SULF2: variants seen among roughly 807,000 people sequenced by gnomAD.
The protein encoded by SULF2 is extracellular sulfatase Sulf-2.
A neutral mutation model predicts 107.7 loss-of-function variants in SULF2; 52 were observed. The ratio of observed to expected loss-of-function variants is 0.48; its 90% confidence interval spans 0.39 to 0.61. SULF2 has a LOEUF of 0.61. SULF2 is among the 20% of genes least tolerant of loss of function. SULF2 has a pLI of 0.00. For synonymous variants in SULF2, 460 were observed against 464.3 expected (o/e 0.99, Z 0.12); for missense variants, 993 against 1,177.3 (o/e 0.84, Z 2.29).
intron 1 of SULF2, among the ~76,000 whole-genome samples, chr20:47,765,374 A>AC (rs1555861583): frequency 1.8e-5 from 2 of 113,910 alleles, no homozygotes; most frequent in African/African-American, 7.2e-5. Context: ...AACAAAACAA[A>AC]AAAAAAAAAA....
intron 20 of SULF2, 61 bp from the exon 21 acceptor site, chr20:47,658,453 T>A: frequency 1.3e-6 from 2 of 1,528,806 alleles, no homozygotes; most frequent in Non-Finnish European, 1.8e-6. Flanking sequence ...CATGACTTCC[T>A]AATCGGTCCT....
rs2087137160 is a variant in SULF2 at position 47,663,059 on chromosome 20, G to T, written c.2370+11C>A. 9.3e-6 allele frequency: 15 copies of T among 1,614,098 alleles called. No individual in the cohort carries two copies. Among genetic ancestry groups the T allele is most frequent in the Non-Finnish European group, 1.3e-5 (15 of 1,179,998 alleles). On this transcript the variant is annotated intron_variant, in intron 17 of 20. Transcript: ENST00000688720. Reference sequence around the variant, plus strand: ...CCACACCCCCATCCCTCTAGCTCGGGTTGCCTGTACCTGGTAGGGGTCTGT... The same window carrying T: ...CCACACCCCCATCCCTCTAGCTCGGTTTGCCTGTACCTGGTAGGGGTCTGT...
chr20:47,783,802 C>T (rs6094845), intron 1 of SULF2, among the ~76,000 whole-genome samples: 1 of 152,186 alleles, frequency 6.6e-6, no homozygotes, highest in Non-Finnish European at 1.5e-5. Context: ...AGCCCACCAC[C>T]TTCGCCTTTC....
intron 11 of SULF2, among the ~76,000 whole-genome samples, chr20:47,669,859 A>G (rs1479575684): frequency 6.6e-5 from 10 of 152,194 alleles, no homozygotes; most frequent in Admixed American, 6.5e-4. Context: ...TCCCTGCCAG[A>G]TCTTGTATTA....
intron 20 of SULF2, among the ~76,000 whole-genome samples, chr20:47,658,720 G>C (rs557489063): frequency 2.0e-4 from 31 of 152,178 alleles, no homozygotes; most frequent in Admixed American, 1.5e-3. Flanking sequence ...AGCCACACAG[G>C]TTTATATGCA....
intron 1 of SULF2, among the ~76,000 whole-genome samples, chr20:47,771,987 A>G (rs563413960): frequency 2.0e-5 from 3 of 152,340 alleles, no homozygotes; most frequent in African/African-American, 7.2e-5. Flanking sequence ...GGCAAATGGT[A>G]CAGCCTGATC....
At chr20:47,774,423 G>A (rs1477067845) in intron 1 of SULF2, among the ~76,000 whole-genome samples, 5 of 152,168 alleles carry the variant, frequency 3.3e-5, no homozygotes, top group East Asian at 1.9e-4. Flanking sequence ...TCATTACCGC[G>A]CATGCTCTCC....
In SULF2 at chr20:47,663,575, T is replaced by C. The variant is rs756812888; in HGVS notation, c.2105A>G (p.Lys702Arg). The C allele has an allele frequency of 1.9e-6, 3 of 1,610,340 alleles. No homozygotes were observed. The South Asian group carries it at 3.3e-5, about 18-fold the overall frequency. The change falls in exon 16 of 21, where the codon AAG (lysine) becomes AGG (arginine). Residue 702 changes from lysine (K) to arginine (R), a missense_variant. By Grantham distance (26) the Lys-to-Arg change is conservative. Around this residue, in one of 3 missense-constraint regions of SULF2, gnomAD observed 497 missense variants for 544.1 expected, o/e 0.91. Coordinates refer to ENST00000688720, the MANE Select transcript of SULF2 (RefSeq NM_001387048.1). ...CAGCTTGCGGAGTTTCTTCTTGCGC[T>C]TCTGCTCCCGCAACAGCCACACCTT... ...KDKVWLLREQKRKKKLRKLLK... is the reference protein window; with the variant it reads ...KDKVWLLREQRRKKKLRKLLK...
In SULF2 at chr20:47,666,902, A is replaced by G. The variant is rs996511411; in HGVS notation, c.1577-414T>C. 6.6e-6 allele frequency among the ~76,000 whole-genome samples: 1 copy of G among 152,238 alleles called. No homozygotes were observed. The highest frequency in any genetic ancestry group is 2.4e-5 in the African/African-American group (1 of 41,454). On this transcript the variant is annotated intron_variant, in intron 11 of 20. Coordinates refer to ENST00000688720, the MANE Select transcript of SULF2 (RefSeq NM_001387048.1). This position sits in a 1 kb window ranked among gnomAD's most constrained non-coding sequence, Gnocchi z 5.4. The stretch of plus-strand genomic sequence containing the variant: ...ACACAAAGCGGGCTCGTATTGTTAC[A>G]TTCTATTTATAGGAACTACCCAGAA...
chr20:47,690,062 T>G, intron 5 of SULF2, 64 bp downstream of exon 5: 1 of 1,330,908 alleles, frequency 7.5e-7, no homozygotes, highest in Non-Finnish European at 9.7e-7. Context: ...GTACTGTTGC[T>G]AAAGCCTGAC....
Position 47,757,291 on chromosome 20 carries a change from A to T in SULF2, c.73T>A (p.Phe25Ile). 6.3e-7 allele frequency: 1 copy of T among 1,594,542 alleles called. No homozygotes were observed. Among genetic ancestry groups the T allele is most frequent in the Non-Finnish European group, 8.5e-7 (1 of 1,169,908 alleles). ...VFSLLGGSSAFLSHHRLKGRF... is the reference protein window; with the variant it reads ...VFSLLGGSSAILSHHRLKGRF... ...CCTTTCAGGCGGTGGTGCGACAGGA[A>T]GGCCGAGCTTCCACCCAGCAGGGAG... Residue 25 changes from phenylalanine to isoleucine, a missense_variant, in exon 2 of 21, where the codon TTC becomes ATC. Phe to Ile is a conservative substitution (Grantham distance 21). This residue lies in a region of SULF2 where 388 missense variants were observed against 449.2 expected (regional missense o/e 0.86). Transcript: ENST00000688720.
chr20:47,665,066 T>C (rs1391646342), intron 14 of SULF2, 133 bp downstream of exon 14: 1 of 719,324 alleles, frequency 1.4e-6, no homozygotes, highest in African/African-American at 1.8e-5. Flanking sequence ...AAATTACGGA[T>C]TTTTTTAATG....
intron 3 of SULF2, among the ~76,000 whole-genome samples, chr20:47,711,489 C>T (rs2088927131): frequency 1.3e-5 from 2 of 152,214 alleles, no homozygotes; most frequent in Admixed American, 6.5e-5. Context: ...GCACCCGCTG[C>T]TTTCGGAGGA....
chr20:47,712,038 A>G (rs984553725), intron 3 of SULF2, among the ~76,000 whole-genome samples: 1 of 152,256 alleles, frequency 6.6e-6, no homozygotes, highest in African/African-American at 2.4e-5. Context: ...ATATACACAC[A>G]TACACGAATA....
chr20:47,778,988 C>T (rs538296790), intron 1 of SULF2, among the ~76,000 whole-genome samples: 29 of 152,300 alleles, frequency 1.9e-4, no homozygotes, highest in African/African-American at 5.8e-4. Flanking sequence ...CGTTCACCAC[C>T]CACTGAGCTT....
At chr20:47,677,238 G>A in intron 8 of SULF2, 104 bp from the exon 9 acceptor site, 6 of 1,270,372 alleles carry the variant, frequency 4.7e-6, no homozygotes, top group Non-Finnish European at 6.7e-6. Flanking sequence ...CTTGGTTTAC[G>A]GTCAGCCTGG....
Position 47,736,757 on chromosome 20 carries a change from G to A in SULF2, c.361C>T (p.Gln121Ter), listed in dbSNP as rs1331740178. 1.9e-6 allele frequency: 3 copies of A among 1,614,246 alleles called. No homozygotes were observed. The highest frequency in any genetic ancestry group is 2.5e-6 in the Non-Finnish European group (3 of 1,180,044). Residue 121 changes from glutamine to a stop codon, truncating the protein, a stop_gained, in exon 3 of 21, where the codon CAG becomes TAG. Coordinates refer to ENST00000688720, the MANE Select transcript of SULF2 (RefSeq NM_001387048.1). LOFTEE classifies it high-confidence loss of function. ...ACGGCAAAGGTGCGGCTCTCGTGCTGTGCCTGCCAGGAGGGCGAGGAGCAG... is the reference window on the plus strand; with the variant it reads ...ACGGCAAAGGTGCGGCTCTCGTGCTATGCCTGCCAGGAGGGCGAGGAGCAG... ...ENCSSPSWQA[Q>*]HESRTFAVYL... is the part of the protein sequence containing the mutation.
chr20:47,663,044 A>G, intron 17 of SULF2, 26 bp downstream of exon 17: 1 of 1,613,778 alleles, frequency 6.2e-7, no homozygotes, highest in Non-Finnish European at 8.5e-7. Flanking sequence ...CCACACCCCC[A>G]TCCCTCTAGC....
intron 3 of SULF2, among the ~76,000 whole-genome samples, chr20:47,725,957 C>T (rs767578949): frequency 4.6e-5 from 7 of 152,132 alleles, no homozygotes; most frequent in Non-Finnish European, 5.9e-5. Flanking sequence ...GTCTGCTGCT[C>T]GGAGAACAGG....
Sources: allele counts gnomAD v4.1 joint callset (sites outside exome capture counted in the v4.1 genomes callset), GRCh38; gene constraint gnomAD v4.1.1; regional missense constraint gnomAD v4.1.1; non-coding constraint Gnocchi (gnomAD v3.1); transcripts MANE v1.5; gene names NCBI Gene and HGNC (gene_info 2026-07-23, HGNC 2026-07-21).